IL15RA: variants seen among roughly 807,000 people sequenced by gnomAD.
The protein encoded by IL15RA is interleukin 15 receptor subunit alpha.
Under a neutral mutation model 24.2 loss-of-function variants are expected in IL15RA, and 26 were observed. That is an observed-to-expected ratio of 1.07 (90% CI 0.79 to 1.49). The LOEUF (loss-of-function observed/expected upper bound fraction) is 1.49, where lower values mean the gene tolerates loss of function less well. Ranked by LOEUF, IL15RA falls within the 40% of genes most tolerant of loss-of-function variation. The pLI is 0.00. For synonymous variants in IL15RA, 166 were observed against 157.6 expected, an observed-to-expected ratio of 1.05 and a Z score of -0.40; for missense variants, 354 against 356.4, an observed-to-expected ratio of 0.99 and a Z score of 0.05.
In IL15RA at chr10:5,975,753, C is replaced by T. The variant is rs552540092; in HGVS notation, c.88+1652G>A. 1.4e-4 allele frequency among the ~76,000 whole-genome samples: 22 copies of T among 152,068 alleles called. No homozygotes were observed. The highest frequency in any genetic ancestry group is 2.2e-4 in the Non-Finnish European group (15 of 67,992). Reference sequence around the variant, plus strand: ...TATTAAAAACACAAAAGTTACTGGGCGTGGTGGCGATCGCCTGTAATCCCA... The same window carrying T: ...TATTAAAAACACAAAAGTTACTGGGTGTGGTGGCGATCGCCTGTAATCCCA... On this transcript the variant is annotated intron_variant, in intron 1 of 6. Transcript: ENST00000379977. This position sits in a 1 kb window ranked among gnomAD's most constrained non-coding sequence, Gnocchi z 4.8.
intron 5 of IL15RA, among the ~76,000 whole-genome samples, chr10:5,957,792 A>C (rs1834782155): frequency 6.6e-6 from 1 of 151,866 alleles, no homozygotes; most frequent in African/African-American, 2.4e-5. Flanking sequence ...GTGTTTTGCT[A>C]TGTTGGCCAG....
upstream of IL15RA, chr10:5,978,091 C>G (rs1364220002): frequency 1.3e-5 from 2 of 152,400 alleles, no homozygotes; most frequent in African/African-American, 4.8e-5. The surrounding 1 kb of genome is among the most constrained non-coding windows in gnomAD (Gnocchi z 5.2). Flanking sequence ...CGCTCTGGCC[C>G]GGGCGGAGCG....
rs1168245869 is a variant in IL15RA at position 5,965,379 on chromosome 10, T to A, written c.283+766A>T. Among the ~76,000 whole-genome samples the A allele has an allele frequency of 6.6e-6, 1 of 152,258 alleles. No individual in the cohort carries two copies. Among genetic ancestry groups the A allele is most frequent in the Admixed American group, 6.5e-5 (1 of 15,288 alleles). On this transcript the variant is annotated intron_variant, in intron 2 of 6. Transcript: ENST00000379977. The surrounding 1 kb of genome is among the most constrained non-coding windows in gnomAD (Gnocchi z 5.8). Reference sequence around the variant, plus strand: ...GCAGTGATGGCTTCCAACATCCACCTTCTCATGGGAAATCCAAACATTTCT... The same window carrying A: ...GCAGTGATGGCTTCCAACATCCACCATCTCATGGGAAATCCAAACATTTCT...
Position 5,964,586 on chromosome 10 carries a change from A to T in IL15RA, c.284-745T>A, listed in dbSNP as rs181000391. On this transcript the variant is annotated intron_variant, in intron 2 of 6. Coordinates refer to ENST00000379977, the MANE Select transcript of IL15RA (RefSeq NM_002189.4). The surrounding 1 kb of genome is among the most constrained non-coding windows in gnomAD (Gnocchi z 5.6). Reference sequence around the variant, plus strand: ...GGATCCTTTGGGCTAGGTGAAACCTAAAGAGGCCTCCAGTCTTTGGACTCT... The same window carrying T: ...GGATCCTTTGGGCTAGGTGAAACCTTAAGAGGCCTCCAGTCTTTGGACTCT... 2.3e-3 allele frequency among the ~76,000 whole-genome samples: 349 copies of T among 152,286 alleles called. 1 individual carries two copies. The highest frequency in any genetic ancestry group is 8.0e-3 in the African/African-American group (331 of 41,544).
In IL15RA at chr10:5,965,286, T is replaced by C. The variant is rs1836322864; in HGVS notation, c.283+859A>G. On this transcript the variant is annotated intron_variant, in intron 2 of 6. Coordinates refer to ENST00000379977, the MANE Select transcript of IL15RA (RefSeq NM_002189.4). This position sits in a 1 kb window ranked among gnomAD's most constrained non-coding sequence, Gnocchi z 5.8. ...ACCCCTGCTGGACACCATGCACAGG[T>C]GACTGAGCAAAGGGCAGCCCTGCTC... Among the ~76,000 whole-genome samples, 1 of 151,672 alleles carries C rather than the reference T, an allele frequency of 6.6e-6. No individual in the cohort carries two copies. Among genetic ancestry groups the C allele is most frequent in the African/African-American group, 2.4e-5 (1 of 41,288 alleles).
At chr10:5,956,343 C>CT (rs781448096) in intron 6 of IL15RA, 36 bp downstream of exon 6, 99 of 1,541,904 alleles carry the variant, frequency 6.4e-5, no homozygotes, top group Middle Eastern at 1.7e-4. Flanking sequence ...ATGGGGAAGT[C>CT]TAACTCTTGC....
At chr10:5,954,476 G>T (rs949048340) in intron 6 of IL15RA, among the ~76,000 whole-genome samples, 3 of 151,660 alleles carry the variant, frequency 2.0e-5, no homozygotes, top group East Asian at 1.9e-4. Context: ...TTTGTGTGTG[G>T]GGGGATGGGG....
rs1353759240 is a variant in IL15RA, at chr10:5,977,347, T to A, written c.88+58A>T. 3 of 856,190 alleles carry A rather than the reference T, an allele frequency of 3.5e-6. No homozygotes were observed. In the East Asian group the frequency reaches 1.0e-4, roughly 29 times the overall value. 53.0% of individuals were successfully genotyped at this position (856,190 alleles called of 1,614,324 possible). A position where few individuals can be genotyped will look rare whatever the true frequency, so the allele number is the denominator to read the frequency against. On this transcript the variant is annotated intron_variant, in intron 1 of 6. Transcript: ENST00000379977. Reference sequence around the variant, plus strand: ...GATGGGGCGCCCGGTTCCCTCCAGCTCCACGTCCCGGCCCCCTTCCAAGTC... The same window carrying A: ...GATGGGGCGCCCGGTTCCCTCCAGCACCACGTCCCGGCCCCCTTCCAAGTC...
In IL15RA at chr10:5,960,610, TCCC is replaced by T. The variant is rs767106313; in HGVS notation, c.383-46_383-44del. The T allele has an allele frequency of 3.9e-6, 6 of 1,530,406 alleles. No individual in the cohort carries two copies. In the Admixed American group the frequency reaches 1.0e-4, roughly 27 times the overall value. The allele number at this position is 1,530,406 out of a possible 1,614,324, so 94.8% of individuals were successfully genotyped here. ...GCAGGGACAACATCAGTGTGCAGAC[TCCC>T]CTCCTCTCAGCTGCAGCACGGGGTG... On this transcript the variant is annotated intron_variant, in intron 3 of 6. Transcript: ENST00000379977. This position sits in a 1 kb window ranked among gnomAD's most constrained non-coding sequence, Gnocchi z 5.1.
chr10:5,968,924 T>C lies in IL15RA; in HGVS notation c.89-2585A>G. On this transcript the variant is annotated intron_variant, in intron 1 of 6. Transcript: ENST00000379977. This position sits in a 1 kb window ranked among gnomAD's most constrained non-coding sequence, Gnocchi z 5.4. ...CCGCCAGGACAGCCAGCCTGTCTCT[T>C]GCATCTGTAACAGGTTTTGTACAGG... is the stretch of plus-strand genomic sequence containing the variant. The C allele has an allele frequency of 6.6e-7, 1 of 1,524,764 alleles. No homozygotes were observed. 94.5% of individuals were successfully genotyped at this position (1,524,764 alleles called of 1,614,324 possible).
At chr10:5,977,572 G>A, upstream of IL15RA, 1 of 1,261,042 alleles carries the variant, frequency 7.9e-7, no homozygotes, top group South Asian at 3.0e-5. Flanking sequence ...GCGCTGCTCT[G>A]GGACCTGCCG....
At chr10:5,977,894 A>G, upstream of IL15RA, 1 of 328,042 alleles carries the variant, frequency 3.0e-6, no homozygotes, top group East Asian at 4.6e-5. Context: ...CGGAGAGCAG[A>G]CTCTCTCCAG....
In IL15RA at chr10:5,963,365, G is replaced by C. The variant is rs968671888; in HGVS notation, c.382+378C>G. 2.0e-5 allele frequency among the ~76,000 whole-genome samples: 3 copies of C among 152,206 alleles called. No homozygotes were observed. Among genetic ancestry groups the C allele is most frequent in the African/African-American group, 7.2e-5 (3 of 41,458 alleles). On this transcript the variant is annotated intron_variant, in intron 3 of 6. Transcript: ENST00000379977. The surrounding 1 kb of genome is among the most constrained non-coding windows in gnomAD (Gnocchi z 5.3). ...CATGCTGAAGCTCCCGCTGCCTGCT[G>C]GCCTCCCATCCTGGAGTGCCCTCTT...
rs1326568116 is a variant in IL15RA, at chr10:5,966,244, CAG to C, written c.182_183del (p.Ser61TrpfsTer5). The C allele has an allele frequency of 1.9e-6, 3 of 1,614,144 alleles. No individual in the cohort carries two copies. The highest frequency in any genetic ancestry group is 2.2e-5 in the South Asian group (2 of 91,080). On this transcript the variant is annotated frameshift_variant, in exon 2 of 7. Coordinates refer to ENST00000379977, the MANE Select transcript of IL15RA (RefSeq NM_002189.4). LOFTEE classifies it high-confidence loss of function. The surrounding 1 kb of genome is among the most constrained non-coding windows in gnomAD (Gnocchi z 6.4). Reference protein sequence around the residue: ...LYSRERYICNSGFKRKAGTSS... With the variant: ...LYSRERYICNXGFKRKAGTSS... ...GACGTGCCGGCTTTACGCTTGAAACCAGAGTTACAAATGTACCGCTCCCTGGA... is the reference window on the plus strand; with the variant it reads ...GACGTGCCGGCTTTACGCTTGAAACCAGTTACAAATGTACCGCTCCCTGGA...
In IL15RA at chr10:5,965,131, G is replaced by A. The variant is rs1263272568; in HGVS notation, c.283+1014C>T. Among the ~76,000 whole-genome samples the A allele has an allele frequency of 1.3e-5, 2 of 152,214 alleles. No individual in the cohort carries two copies. Among genetic ancestry groups the A allele is most frequent in the African/African-American group, 4.8e-5 (2 of 41,454 alleles). Reference sequence around the variant, plus strand: ...ATGAACTGGGGAAGGAGAGAAGCCTGCAGAGGTGGGCCTGAGTGTTCCAGA... The same window carrying A: ...ATGAACTGGGGAAGGAGAGAAGCCTACAGAGGTGGGCCTGAGTGTTCCAGA... On this transcript the variant is annotated intron_variant, in intron 2 of 6. Transcript: ENST00000379977. This position sits in a 1 kb window ranked among gnomAD's most constrained non-coding sequence, Gnocchi z 5.8.
downstream of IL15RA, chr10:5,948,930 A>G (rs1483461240): frequency 4.8e-6 from 1 of 209,144 alleles, no homozygotes; most frequent in Admixed American, 5.0e-5. Flanking sequence ...TTTTGTTTAT[A>G]CAAGGCACAA....
chr10:5,956,942 T>A (rs1834613610), intron 5 of IL15RA, among the ~76,000 whole-genome samples: 1 of 151,656 alleles, frequency 6.6e-6, no homozygotes, highest in Non-Finnish European at 1.5e-5. Flanking sequence ...CAATTTCATT[T>A]TTTTTTCACT....
intron 1 of IL15RA, among the ~76,000 whole-genome samples, chr10:5,972,002 C>A (rs1281269992): frequency 6.6e-6 from 1 of 152,190 alleles, no homozygotes; most frequent in Non-Finnish European, 1.5e-5. Context: ...AGTTTTAGGA[C>A]TCGAGAAGAC....
At position 5,960,084 on chromosome 10, in the gene IL15RA, T is replaced by G. The variant is rs1835240589; in HGVS notation, c.583+283A>C. ...ACCTCCTACTGCAGGAGGGCACAGA[T>G]GCCACTCCCAGCTGCACAGGCTCTG... On this transcript the variant is annotated intron_variant, in intron 4 of 6. Transcript: ENST00000379977. This position sits in a 1 kb window ranked among gnomAD's most constrained non-coding sequence, Gnocchi z 5.1. Among the ~76,000 whole-genome samples, 1 of 152,128 alleles carries G rather than the reference T, an allele frequency of 6.6e-6. No homozygotes were observed. Among genetic ancestry groups the G allele is most frequent in the Non-Finnish European group, 1.5e-5 (1 of 68,018 alleles).
Sources: allele counts gnomAD v4.1 joint callset (sites outside exome capture counted in the v4.1 genomes callset), GRCh38; gene constraint gnomAD v4.1.1; non-coding constraint Gnocchi (gnomAD v3.1); transcripts MANE v1.5; gene names NCBI Gene and HGNC (gene_info 2026-07-23, HGNC 2026-07-21).